GPC4: variants seen among roughly 807,000 people sequenced by gnomAD.
GPC4 encodes glypican-4.
GPC4 carries 10 observed loss-of-function variants against 35.0 expected under a neutral mutation model. The ratio of observed to expected loss-of-function variants is 0.29; its 90% confidence interval spans 0.18 to 0.48. The LOEUF is 0.48. GPC4 is among the 20% of genes least tolerant of loss of function. GPC4 has a pLI of 0.99. For missense variants in GPC4, 322 were observed against 451.3 expected (o/e 0.71, Z 2.60); for synonymous variants, 167 against 170.2 (o/e 0.98, Z 0.15).
chrX:133,348,164 T>C (rs941641885), intron 1 of GPC4, among the ~76,000 whole-genome samples: 1 of 112,452 alleles, frequency 8.9e-6, no homozygotes, highest in African/African-American at 3.2e-5. Context: ...CAAGGCTTCT[T>C]ACTGCTTTTC....
intron 2 of GPC4, among the ~76,000 whole-genome samples, chrX:133,331,350 C>G (rs761748313): frequency 8.9e-6 from 1 of 111,807 alleles, no homozygotes; most frequent in African/African-American, 3.2e-5. Flanking sequence ...TATAAGTAAG[C>G]TAGGGAGCTG....
At chrX:133,376,702 C>T (rs773282055) in intron 1 of GPC4, among the ~76,000 whole-genome samples, 2 of 111,949 alleles carry the variant, frequency 1.8e-5, no homozygotes, top group African/African-American at 6.5e-5. Context: ...CACACGGGGT[C>T]GACAGCCCCA....
At position 133,304,754 on chromosome X, in the gene GPC4, A is replaced by G; in HGVS notation, c.1263T>C (p.Asp421=). 1 of 1,211,896 alleles carries G rather than the reference A, an allele frequency of 8.3e-7. No individual in the cohort carries two copies. Among genetic ancestry groups the G allele is most frequent in the Non-Finnish European group, 1.1e-6 (1 of 895,485 alleles). Residue 421 remains aspartate, a synonymous_variant, in exon 7 of 9, where the codon GAT becomes GAC. Coordinates refer to ENST00000370828, the MANE Select transcript of GPC4 (RefSeq NM_001448.3). ...TTTTGCCTTTCCCATTCCAACAGTC[A>G]TCCTCATTGCCGTTTCCTGCAGCCA... ...ERMAAGNGNE[D]DCWNGKGKSR... is the part of the protein sequence containing the mutation.
chrX:133,313,599 G>C lies in GPC4; in HGVS notation c.712-2176C>G, dbSNP rs371411803. Among the ~76,000 whole-genome samples, 15 of 111,649 alleles carry C rather than the reference G, an allele frequency of 1.3e-4. No homozygotes were observed. In the South Asian group the frequency reaches 3.8e-3, roughly 28 times the overall value. On this transcript the variant is annotated intron_variant, in intron 3 of 8. Coordinates refer to ENST00000370828, the MANE Select transcript of GPC4 (RefSeq NM_001448.3). ...TGTAAAGGAGCAAACAGGACTGGAG[G>C]GGGGAGGTGGCCTGAGAAGCATAGG... is the stretch of plus-strand genomic sequence containing the variant.
chrX:133,313,748 C>T (rs938620087), intron 3 of GPC4, among the ~76,000 whole-genome samples: 1 of 112,189 alleles, frequency 8.9e-6, no homozygotes, highest in African/African-American at 3.2e-5. Flanking sequence ...AGTCACCTCA[C>T]AACATCGGAT....
intron 1 of GPC4, among the ~76,000 whole-genome samples, chrX:133,389,814 T>C (rs1482529070): frequency 1.8e-5 from 2 of 111,809 alleles, no homozygotes; most frequent in African/African-American, 6.5e-5. Flanking sequence ...CCTGATAGCC[T>C]GAAAGACTCT....
At chrX:133,332,616 C>T (rs1292519237) in intron 2 of GPC4, among the ~76,000 whole-genome samples, 2 of 111,758 alleles carry the variant, frequency 1.8e-5, no homozygotes, top group Non-Finnish European at 3.8e-5. Flanking sequence ...CCAGGCTCGT[C>T]TCAAACTCCT....
intron 4 of GPC4, among the ~76,000 whole-genome samples, chrX:133,309,417 G>A (rs1352873431): frequency 8.9e-6 from 1 of 112,716 alleles, no homozygotes; most frequent in Non-Finnish European, 1.9e-5. Context: ...AAGCCAGAGT[G>A]TGGTTTTGAT....
intron 3 of GPC4, among the ~76,000 whole-genome samples, chrX:133,322,421 G>A (rs2124118664): frequency 9.5e-6 from 1 of 105,074 alleles, no homozygotes; most frequent in South Asian, 4.6e-4. Context: ...TCAAGCCTGG[G>A]TGACAGAGCG....
intron 2 of GPC4, among the ~76,000 whole-genome samples, chrX:133,330,356 T>C (rs2068413402): frequency 9.0e-6 from 1 of 111,041 alleles, no homozygotes; most frequent in Non-Finnish European, 1.9e-5. Flanking sequence ...ACCCATCGAC[T>C]CTTTCACCTA....
chrX:133,339,535 A>G (rs1342012156), intron 1 of GPC4, among the ~76,000 whole-genome samples, 194 bp from the exon 2 acceptor site: 1 of 112,201 alleles, frequency 8.9e-6, no homozygotes, highest in Non-Finnish European at 1.9e-5. Context: ...AGCCCTCTCC[A>G]AAAAGCAAAA....
At chrX:133,382,734 AAAACAAAC>A (rs374971687) in intron 1 of GPC4, among the ~76,000 whole-genome samples, 14 of 112,577 alleles carry the variant, frequency 1.2e-4, no homozygotes, top group African/African-American at 2.9e-4. Flanking sequence ...CTCCGTCTCA[AAAACAAAC>A]AAACAAACAA....
chrX:133,385,032 T>A (rs1275740191), intron 1 of GPC4, among the ~76,000 whole-genome samples: 1 of 112,037 alleles, frequency 8.9e-6, no homozygotes, highest in Non-Finnish European at 1.9e-5. Flanking sequence ...TTAAAATGCA[T>A]CTTAATACAG....
chrX:133,412,235 T>C (rs2068815971), intron 1 of GPC4, among the ~76,000 whole-genome samples: 1 of 111,652 alleles, frequency 9.0e-6, no homozygotes, highest in African/African-American at 3.3e-5. Context: ...ATTATCTGAG[T>C]GTAGCTCAGA....
At chrX:133,360,995 T>C (rs913555908) in intron 1 of GPC4, among the ~76,000 whole-genome samples, 17 of 112,142 alleles carry the variant, frequency 1.5e-4, no homozygotes, top group African/African-American at 4.9e-4. Context: ...ATTTAAAACA[T>C]GTTTAAAAGA....
At chrX:133,405,533 G>A (rs948623353) in intron 1 of GPC4, among the ~76,000 whole-genome samples, 6 of 111,763 alleles carry the variant, frequency 5.4e-5, no homozygotes, top group African/African-American at 2.0e-4. Flanking sequence ...TTGAGCATTC[G>A]CCCATTCTAG....
At chrX:133,309,216 T>C (rs1347510424) in intron 4 of GPC4, among the ~76,000 whole-genome samples, 1 of 112,078 alleles carries the variant, frequency 8.9e-6, no homozygotes, top group Non-Finnish European at 1.9e-5. Flanking sequence ...TACAATTATA[T>C]ACCTCATCCC....
intron 1 of GPC4, among the ~76,000 whole-genome samples, chrX:133,350,562 C>A (rs753790914): frequency 3.2e-4 from 35 of 110,689 alleles, no homozygotes; most frequent in Non-Finnish European, 4.7e-4. Flanking sequence ...ACAACAACAA[C>A]AAAAAACAAA....
chrX:133,325,647 A>G (rs16993043), intron 2 of GPC4, among the ~76,000 whole-genome samples: 1,204 of 112,235 alleles, frequency 0.011, 16 homozygotes, highest in African/African-American at 0.036. Flanking sequence ...AAAGCAAAAT[A>G]TAAGGACCAC....
Sources: allele counts gnomAD v4.1 joint callset (sites outside exome capture counted in the v4.1 genomes callset), GRCh38; gene constraint gnomAD v4.1.1; transcripts MANE v1.5; gene names NCBI Gene and HGNC (gene_info 2026-07-23, HGNC 2026-07-21).